Variants in IL31 observed in about 807,000 individuals in gnomAD.
The protein encoded by IL31 is interleukin 31, also known as interleukin-31.
A neutral mutation model predicts 7.8 loss-of-function variants in IL31; 8 were observed. That is an observed-to-expected ratio of 1.02 (90% CI 0.60 to 1.84). The LOEUF (loss-of-function observed/expected upper bound fraction) is 1.84, where lower values mean the gene tolerates loss of function less well. Among genes scored for constraint, IL31 ranks in the 40% most tolerant of loss-of-function variants. The pLI, the probability that IL31 is intolerant of heterozygous loss-of-function variation, is 0.00. For synonymous variants in IL31, 87 were observed against 86.5 expected, an observed-to-expected ratio of 1.01 and a Z score of -0.03; for missense variants, 162 against 205.6, an observed-to-expected ratio of 0.79 and a Z score of 1.30.
Position 122,172,431 on chromosome 12 carries a change from G to C in IL31, c.476C>G (p.Ala159Gly). 1 of 1,613,238 alleles carries C rather than the reference G, an allele frequency of 6.2e-7. No individual in the cohort carries two copies. Among genetic ancestry groups the C allele is most frequent in the Non-Finnish European group, 8.5e-7 (1 of 1,179,378 alleles). ...DLALKSLTSG[A>G]QQATT ...ATGGCCTTAAGTGGTGGCCTGTTGGGCTCCAGAGGTCAATGATTTTAGTGC... is the reference window on the plus strand; with the variant it reads ...ATGGCCTTAAGTGGTGGCCTGTTGGCCTCCAGAGGTCAATGATTTTAGTGC... Residue 159 changes from alanine to glycine, a missense_variant, in exon 3 of 3, where the codon GCC becomes GGC. Transcript: ENST00000377035.
Position 122,172,671 on chromosome 12 carries a change from G to A in IL31, c.236C>T (p.Pro79Leu), listed in dbSNP as rs770326354. The A allele has an allele frequency of 6.8e-6, 11 of 1,614,056 alleles. No homozygotes were observed. In the South Asian group the frequency reaches 7.7e-5, roughly 11 times the overall value. The change falls in exon 3 of 3, where the codon CCG becomes CTG. Residue 79 changes from proline (P) to leucine (L), a missense_variant. Physicochemically the swap from Pro to Leu is moderately conservative, Grantham distance 98 (BLOSUM62 -3). Transcript: ENST00000377035. ...TLPCLSPDAQ[P>L]PNNIHSPAIR... ...GGCTGGGCTGTGGATGTTGTTTGGCGGCTGGGCGTCAGGGCTGAGACACGG... is the reference window on the plus strand; with the variant it reads ...GGCTGGGCTGTGGATGTTGTTTGGCAGCTGGGCGTCAGGGCTGAGACACGG...
At position 122,174,141 on chromosome 12, in the gene IL31, C is replaced by G. The variant is rs981439998; in HGVS notation, c.16+16G>C. The G allele has an allele frequency of 6.2e-6, 10 of 1,613,972 alleles. No homozygotes were observed. In the African/African-American group the frequency reaches 1.3e-4, roughly 22 times the overall value. ...GATGATGCCCAAGACTCCGGAAGCA[C>G]CAGGACCAGTGATACCTGAGTGAGA... On this transcript the variant is annotated intron_variant, in intron 1 of 2. Coordinates refer to ENST00000377035, the MANE Select transcript of IL31 (RefSeq NM_001014336.2).
Position 122,173,829 on chromosome 12 carries a change from C to G in IL31, c.165+15G>C. ...TTAAGAAATCGTTTAGAAAAGAAAT[C>G]TCTAGGACACTCACATCTTTCAAAA... On this transcript the variant is annotated intron_variant, in intron 2 of 2. Coordinates refer to ENST00000377035, the MANE Select transcript of IL31 (RefSeq NM_001014336.2). 6.2e-7 allele frequency: 1 copy of G among 1,610,732 alleles called. No individual in the cohort carries two copies. The highest frequency in any genetic ancestry group is 1.3e-5 in the African/African-American group (1 of 74,926).
At chr12:122,173,674 ACT>A (rs1245572677) in intron 2 of IL31, among the ~76,000 whole-genome samples, 168 bp downstream of exon 2, 5 of 141,950 alleles carry the variant, frequency 3.5e-5, no homozygotes, top group South Asian at 2.3e-4. Context: ...ACAGAGTAAG[ACT>A]CTGTCTCAAA....
rs992694565 is a variant in IL31, at chr12:122,172,222, C to G, written c.*190G>C. On this transcript the variant is annotated 3_prime_UTR_variant, in exon 3 of 3. Coordinates refer to ENST00000377035, the MANE Select transcript of IL31 (RefSeq NM_001014336.2). ...TAAATACCAAGACTAATAACAATAA[C>G]CTAATGTTTTTCAAGGTAATTCACA... 1 of 554,800 alleles carries G rather than the reference C, an allele frequency of 1.8e-6. No individual in the cohort carries two copies. The highest frequency in any genetic ancestry group is 1.9e-5 in the African/African-American group (1 of 53,152). 34.4% of individuals were successfully genotyped at this position (554,800 alleles called of 1,614,324 possible). A position where few individuals can be genotyped will look rare whatever the true frequency, so the allele number is the denominator to read the frequency against.
In IL31 at chr12:122,172,280, A is replaced by G. The variant is rs1474309766; in HGVS notation, c.*132T>C. 1.5e-5 allele frequency: 10 copies of G among 667,464 alleles called. No individual in the cohort carries two copies. The South Asian group carries it at 1.5e-4, about 10-fold the overall frequency. The allele number at this position is 667,464 out of a possible 1,614,324, so 41.3% of individuals were successfully genotyped here. On this transcript the variant is annotated 3_prime_UTR_variant, in exon 3 of 3. Transcript: ENST00000377035. Reference sequence around the variant, plus strand: ...ATCTCAGCCCTCCCGGGACTAGCCCATATGAGGGGTCCCTGAGATTATTCA... The same window carrying G: ...ATCTCAGCCCTCCCGGGACTAGCCCGTATGAGGGGTCCCTGAGATTATTCA...
Position 122,172,169 on chromosome 12 carries a change from C to T in IL31, c.*243G>A, listed in dbSNP as rs2136017246. ...CCTCACGAGGGTATAATAAGTAAGA[C>T]TTAAGCCTGCAGAAGAAAAGCATTC... On this transcript the variant is annotated 3_prime_UTR_variant, in exon 3 of 3. Transcript: ENST00000377035. 2.3e-6 allele frequency: 1 copy of T among 441,162 alleles called. No individual in the cohort carries two copies. The highest frequency in any genetic ancestry group is 4.1e-6 in the Non-Finnish European group (1 of 244,608). 27.3% of individuals were successfully genotyped at this position (441,162 alleles called of 1,614,324 possible). A position where few individuals can be genotyped will look rare whatever the true frequency, so the allele number is the denominator to read the frequency against.
chr12:122,172,520 G>A lies in IL31; in HGVS notation c.387C>T (p.Asp129=), dbSNP rs917118259. ...GGATGAAGCGTTTACATTCATGGGT[G>A]TCTGTTGGCACAGAAATGTTTGTTT... is the stretch of plus-strand genomic sequence containing the variant. The part of the protein sequence containing the change: ...APETNISVPT[D]THECKRFILT... The change falls in exon 3 of 3, where the codon GAC becomes GAT. Residue 129 remains aspartate (D), a synonymous_variant. Coordinates refer to ENST00000377035, the MANE Select transcript of IL31 (RefSeq NM_001014336.2). 28 of 1,613,782 alleles carry A rather than the reference G, an allele frequency of 1.7e-5. No individual in the cohort carries two copies. Among genetic ancestry groups the A allele is most frequent in the Non-Finnish European group, 2.3e-5 (27 of 1,179,646 alleles).
Position 122,172,694 on chromosome 12 carries a change from C to T in IL31, c.213G>A (p.Pro71=), listed in dbSNP as rs376559865. The T allele has an allele frequency of 8.1e-6, 13 of 1,614,032 alleles. No homozygotes were observed. The highest frequency in any genetic ancestry group is 2.7e-5 in the African/African-American group (2 of 75,018). Residue 71 remains proline, a synonymous_variant, in exon 3 of 3, where the codon CCG becomes CCA. Coordinates refer to ENST00000377035, the MANE Select transcript of IL31 (RefSeq NM_001014336.2). The part of the protein sequence containing the change: ...GVLVSQNYTL[P]CLSPDAQPPN... ...GCGGCTGGGCGTCAGGGCTGAGACA[C>T]GGCAGCGTGTAATTCTGGGACACGA...
At chr12:122,173,083 C>T (rs1953503464) in intron 2 of IL31, among the ~76,000 whole-genome samples, 1 of 152,152 alleles carries the variant, frequency 6.6e-6, no homozygotes, top group East Asian at 1.9e-4. Context: ...GTTAAAGCCA[C>T]GCACGCTCCA....
chr12:122,174,068 T>C, intron 1 of IL31, 76 bp from the exon 2 acceptor site: 1 of 1,613,784 alleles, frequency 6.2e-7, no homozygotes, highest in South Asian at 1.1e-5. Context: ...GCAGCCCTGC[T>C]GAGCCAACCC....
chr12:122,173,824 G>T lies in IL31; in HGVS notation c.165+20C>A, dbSNP rs1953511779. The T allele has an allele frequency of 1.2e-6, 2 of 1,607,206 alleles. No homozygotes were observed. The highest frequency in any genetic ancestry group is 1.7e-6 in the Non-Finnish European group (2 of 1,175,964). On this transcript the variant is annotated intron_variant, in intron 2 of 2. Coordinates refer to ENST00000377035, the MANE Select transcript of IL31 (RefSeq NM_001014336.2). ...CATTTTTAAGAAATCGTTTAGAAAA[G>T]AAATCTCTAGGACACTCACATCTTT...
intron 2 of IL31, among the ~76,000 whole-genome samples, chr12:122,173,114 G>T (rs555149366): frequency 6.6e-6 from 1 of 152,198 alleles, no homozygotes; most frequent in South Asian, 2.1e-4. Context: ...AGAGTGTTAG[G>T]CTTGTCCGGA....
chr12:122,172,159 A>G lies in IL31; in HGVS notation c.*253T>C, dbSNP rs550259509. 2.5e-6 allele frequency: 1 copy of G among 402,426 alleles called. No individual in the cohort carries two copies. Among genetic ancestry groups the G allele is most frequent in the Non-Finnish European group, 4.5e-6 (1 of 222,688 alleles). 24.9% of individuals were successfully genotyped at this position (402,426 alleles called of 1,614,324 possible). On this transcript the variant is annotated 3_prime_UTR_variant, in exon 3 of 3. Coordinates refer to ENST00000377035, the MANE Select transcript of IL31 (RefSeq NM_001014336.2). Reference sequence around the variant, plus strand: ...CACCTCCCACCCTCACGAGGGTATAATAAGTAAGACTTAAGCCTGCAGAAG... The same window carrying G: ...CACCTCCCACCCTCACGAGGGTATAGTAAGTAAGACTTAAGCCTGCAGAAG...
Position 122,172,106 on chromosome 12 carries a change from A to G in IL31, c.*306T>C, listed in dbSNP as rs1953490302. On this transcript the variant is annotated 3_prime_UTR_variant, in exon 3 of 3. Transcript: ENST00000377035. ...GGGAGCATTGACAACTCTTAGTACA[A>G]TAAATATCAATAAATTAACATAGCT... 1.9e-5 allele frequency: 5 copies of G among 267,476 alleles called. No homozygotes were observed. The South Asian group carries it at 2.1e-4, about 11-fold the overall frequency. The allele number at this position is 267,476 out of a possible 1,614,324, so 16.6% of individuals were successfully genotyped here.
chr12:122,173,394 G>C (rs561489857), intron 2 of IL31, among the ~76,000 whole-genome samples: 1 of 152,292 alleles, frequency 6.6e-6, no homozygotes, highest in African/African-American at 2.4e-5. Context: ...TTTGATCAAA[G>C]CTATCTTGGC....
intron 2 of IL31, among the ~76,000 whole-genome samples, chr12:122,173,400 T>A (rs1364285367): frequency 1.3e-5 from 2 of 152,240 alleles, no homozygotes; most frequent in Admixed American, 1.3e-4. Context: ...CAAAGCTATC[T>A]TGGCTGGGCA....
chr12:122,172,879 G>GTGT (rs1953501708), intron 2 of IL31, 138 bp from the exon 3 acceptor site: 1 of 707,128 alleles, frequency 1.4e-6, no homozygotes, highest in Admixed American at 2.9e-5. Flanking sequence ...CTATGAGGCT[G>GTGT]TGCCATCACC....
chr12:122,173,717 G>T, intron 2 of IL31, 127 bp downstream of exon 2: 1 of 764,462 alleles, frequency 1.3e-6, no homozygotes, highest in Non-Finnish European at 2.2e-6. Flanking sequence ...TGCCTGTCTA[G>T]TTTCCCCCAT....
Sources: allele counts gnomAD v4.1 joint callset (sites outside exome capture counted in the v4.1 genomes callset), GRCh38; gene constraint gnomAD v4.1.1; transcripts MANE v1.5; gene names NCBI Gene and HGNC (gene_info 2026-07-23, HGNC 2026-07-21).